Variants in SLC1A1 observed in about 807,000 individuals in gnomAD.
The protein encoded by SLC1A1 is solute carrier family 1 member 1.
Under a neutral mutation model 53.3 loss-of-function variants are expected in SLC1A1, and 43 were observed. The observed-to-expected ratio is 0.81, with a 90% CI of 0.63 to 1.04. The LOEUF (loss-of-function observed/expected upper bound fraction) is 1.04. SLC1A1 is among the 50% of genes least tolerant of loss of function. The pLI, the probability that SLC1A1 is intolerant of heterozygous loss-of-function variation, is 0.00. For missense variants in SLC1A1, 748 were observed against 664.9 expected (o/e 1.12, Z -1.37); for synonymous variants, 307 against 243.2 (o/e 1.26, Z -2.44).
intron 1 of SLC1A1, among the ~76,000 whole-genome samples, chr9:4,532,965 G>C (rs1401798659): frequency 6.6e-6 from 1 of 152,114 alleles, no homozygotes. Flanking sequence ...GCCAAACTAA[G>C]CTTCATAAGT....
At chr9:4,505,996 G>T (rs1247224445) in intron 1 of SLC1A1, among the ~76,000 whole-genome samples, 1 of 151,980 alleles carries the variant, frequency 6.6e-6, no homozygotes, top group Non-Finnish European at 1.5e-5. Flanking sequence ...GCTAATTTTT[G>T]TATGTTTTTA....
At chr9:4,503,106 A>G (rs1165288491) in intron 1 of SLC1A1, among the ~76,000 whole-genome samples, 1 of 151,688 alleles carries the variant, frequency 6.6e-6, no homozygotes, top group Non-Finnish European at 1.5e-5. Context: ...TCCCTTCTCT[A>G]CATTCTTAAC....
At chr9:4,572,123 G>T (rs1158055847) in intron 6 of SLC1A1, 81 bp from the exon 7 acceptor site, 3 of 1,175,766 alleles carry the variant, frequency 2.6e-6, no homozygotes, top group African/African-American at 1.5e-5. Context: ...TTTGGTCATT[G>T]TATCTTCTCA....
intron 2 of SLC1A1, among the ~76,000 whole-genome samples, chr9:4,550,023 A>C (rs1382181039): frequency 6.6e-6 from 1 of 152,188 alleles, no homozygotes; most frequent in Non-Finnish European, 1.5e-5. Context: ...GTGGATGTCA[A>C]GCCAAGCAGA....
chr9:4,514,735 T>TC (rs1821107856), intron 1 of SLC1A1, among the ~76,000 whole-genome samples: 1 of 152,054 alleles, frequency 6.6e-6, no homozygotes, highest in Non-Finnish European at 1.5e-5. Flanking sequence ...GGAGAGTGAC[T>TC]CCGCCAGATT....
At position 4,490,709 on chromosome 9, in the gene SLC1A1, G is replaced by A; in HGVS notation, c.30G>A (p.Glu10=). The A allele has an allele frequency of 6.2e-7, 1 of 1,612,902 alleles. No homozygotes were observed. The highest frequency in any genetic ancestry group is 8.5e-7 in the Non-Finnish European group (1 of 1,179,122). The change falls in exon 1 of 12, where the codon GAG becomes GAA. Residue 10 remains glutamate (E), a synonymous_variant. Transcript: ENST00000262352. MGKPARKGC[E]WKRFLKNNWV... is the part of the protein sequence containing the mutation. ...GGAAACCGGCGAGGAAAGGATGCGA[G>A]TGGAAGCGCTTCCTGAAGAATAACT...
intron 2 of SLC1A1, among the ~76,000 whole-genome samples, chr9:4,547,717 TA>T (rs1235878953): frequency 2.0e-5 from 3 of 152,166 alleles, no homozygotes; most frequent in Admixed American, 6.5e-5. Flanking sequence ...ATATTCATGG[TA>T]GCATTTTTTT....
In SLC1A1 at chr9:4,585,643, C is replaced by A; in HGVS notation, c.*85C>A. On this transcript the variant is annotated 3_prime_UTR_variant, in exon 12 of 12. Coordinates refer to ENST00000262352, the MANE Select transcript of SLC1A1 (RefSeq NM_004170.6). ...ACACTGCTTAAGGAAAAGAGAAACA[C>A]TAATGGCCAAGTGTACATTTGATTT... 6.7e-7 allele frequency: 1 copy of A among 1,494,864 alleles called. No homozygotes were observed. The highest frequency in any genetic ancestry group is 9.3e-7 in the Non-Finnish European group (1 of 1,074,226). 92.6% of individuals were successfully genotyped at this position (1,494,864 alleles called of 1,614,324 possible).
intron 1 of SLC1A1, among the ~76,000 whole-genome samples, chr9:4,518,525 C>T (rs1376717334): frequency 6.6e-6 from 1 of 152,092 alleles, no homozygotes; most frequent in African/African-American, 2.4e-5. Context: ...GGCCACTGCG[C>T]CTGGCCTACA....
At chr9:4,501,099 G>C (rs547027513) in intron 1 of SLC1A1, among the ~76,000 whole-genome samples, 1 of 152,000 alleles carries the variant, frequency 6.6e-6, no homozygotes, top group Non-Finnish European at 1.5e-5. Context: ...GTCCCTAACC[G>C]TGTCCAACAC....
At chr9:4,496,992 G>C (rs1302722443) in intron 1 of SLC1A1, among the ~76,000 whole-genome samples, 1 of 152,158 alleles carries the variant, frequency 6.6e-6, no homozygotes, top group Non-Finnish European at 1.5e-5. Context: ...GTGTGAAATG[G>C]AGGGACCTAG....
rs1045039130 is a variant in SLC1A1, at chr9:4,556,041, T to G, written c.233-5408T>G. Among the ~76,000 whole-genome samples the G allele has an allele frequency of 6.6e-6, 1 of 151,670 alleles. No homozygotes were observed. Among genetic ancestry groups the G allele is most frequent in the Non-Finnish European group, 1.5e-5 (1 of 67,964 alleles). ...TTCACTCCTGTTGCCCAGGCTGAAG[T>G]GCAGTGGCATGATATCGGCTCACTG... On this transcript the variant is annotated intron_variant, in intron 2 of 11. Transcript: ENST00000262352. The surrounding 1 kb of genome is among the most constrained non-coding windows in gnomAD (Gnocchi z 4.1).
chr9:4,556,305 C>T lies in SLC1A1; in HGVS notation c.233-5144C>T, dbSNP rs1007747264. Among the ~76,000 whole-genome samples, 2 of 152,200 alleles carry T rather than the reference C, an allele frequency of 1.3e-5. No individual in the cohort carries two copies. The highest frequency in any genetic ancestry group is 4.8e-5 in the African/African-American group (2 of 41,450). On this transcript the variant is annotated intron_variant, in intron 2 of 11. Coordinates refer to ENST00000262352, the MANE Select transcript of SLC1A1 (RefSeq NM_004170.6). This position sits in a 1 kb window ranked among gnomAD's most constrained non-coding sequence, Gnocchi z 4.1. ...AAAGTGCTGGGATTACCGGCGTGAG[C>T]CACTACGCCCCGCCCCTATCTTTTA... is the stretch of plus-strand genomic sequence containing the variant.
In SLC1A1 at chr9:4,561,395, C is replaced by T. The variant is rs1350726020; in HGVS notation, c.233-54C>T. 3.7e-6 allele frequency: 4 copies of T among 1,068,818 alleles called. No homozygotes were observed. The Admixed American group carries it at 6.7e-5, about 18-fold the overall frequency. 66.2% of individuals were successfully genotyped at this position (1,068,818 alleles called of 1,614,324 possible). On this transcript the variant is annotated intron_variant, in intron 2 of 11. Transcript: ENST00000262352. ...ACAACCTGAGGATTAAATCGCGGGT[C>T]CTGGAAACCTGTCTTTTAAAATTAA...
chr9:4,563,747 G>T (rs1446053911), intron 3 of SLC1A1, among the ~76,000 whole-genome samples: 1 of 152,180 alleles, frequency 6.6e-6, no homozygotes, highest in Non-Finnish European at 1.5e-5. Flanking sequence ...CATGTAGACA[G>T]TTCTTCCTTA....
chr9:4,493,442 T>TA (rs2130787488), intron 1 of SLC1A1, among the ~76,000 whole-genome samples: 1 of 152,320 alleles, frequency 6.6e-6, no homozygotes, highest in South Asian at 2.1e-4. Flanking sequence ...ATAATGATAG[T>TA]AAGAGCTTAT....
At chr9:4,578,308 G>A (rs972179323) in intron 10 of SLC1A1, among the ~76,000 whole-genome samples, 3 of 152,178 alleles carry the variant, frequency 2.0e-5, no homozygotes, top group African/African-American at 7.2e-5. Flanking sequence ...TTTCTCATCT[G>A]TAAAATGAAT....
rs189372080 is a variant in SLC1A1 at position 4,548,310 on chromosome 9, G to A, written c.232+3603G>A. ...GGAAGGGCCATTTCACATTGCAAAT[G>A]CCCTCATGAATCCAGCAGGCTGGTA... is the stretch of plus-strand genomic sequence containing the variant. On this transcript the variant is annotated intron_variant, in intron 2 of 11. Coordinates refer to ENST00000262352, the MANE Select transcript of SLC1A1 (RefSeq NM_004170.6). Among the ~76,000 whole-genome samples, 24 of 152,164 alleles carry A rather than the reference G, an allele frequency of 1.6e-4. 1 individual carries two copies. Among genetic ancestry groups the A allele is most frequent in the African/African-American group, 5.8e-4 (24 of 41,432 alleles).
At chr9:4,500,106 C>A (rs1820581171) in intron 1 of SLC1A1, among the ~76,000 whole-genome samples, 1 of 152,140 alleles carries the variant, frequency 6.6e-6, no homozygotes, top group Non-Finnish European at 1.5e-5. Flanking sequence ...GTCCGTGACA[C>A]ACTGGCCTGG....
Sources: gnomAD v4.1 joint callset for allele counts (sites outside exome capture counted in the v4.1 genomes callset) on GRCh38, gnomAD v4.1.1 for gene constraint, Gnocchi (gnomAD v3.1) non-coding constraint, MANE v1.5 for transcripts, NCBI Gene and HGNC (gene_info 2026-07-23, HGNC 2026-07-21) for gene names.